Variants in RASEF observed in about 807,000 individuals in gnomAD.
RASEF encodes the protein ras and EF-hand domain-containing protein.
Under a neutral mutation model 90.1 loss-of-function variants are expected in RASEF, and 68 were observed. That is an observed-to-expected ratio of 0.75 (90% CI 0.62 to 0.92). RASEF has a LOEUF of 0.92. Ranked by LOEUF, RASEF falls within the 40% of genes least tolerant of loss-of-function variation. The pLI, the probability that RASEF is intolerant of heterozygous loss-of-function variation, is 0.00. For missense variants in RASEF, 949 were observed against 937.2 expected, an observed-to-expected ratio of 1.01 and a Z score of -0.16; for synonymous variants, 331 against 345.2, an observed-to-expected ratio of 0.96 and a Z score of 0.46.
the RASEF span, among the ~76,000 whole-genome samples, chr9:83,129,664 A>G: frequency 6.6e-6 from 1 of 152,136 alleles, no homozygotes; most frequent in African/African-American, 2.4e-5. Flanking sequence ...ATTTATGGAG[A>G]ACATAAGGGA....
chr9:83,157,551 C>G, the RASEF span, among the ~76,000 whole-genome samples: 1 of 152,150 alleles, frequency 6.6e-6, no homozygotes, highest in Non-Finnish European at 1.5e-5. Flanking sequence ...TTCCCAGCCT[C>G]TAGAACTGTG....
At chr9:83,145,391 G>A in the RASEF span, among the ~76,000 whole-genome samples, 9 of 151,976 alleles carry the variant, frequency 5.9e-5, no homozygotes, top group Admixed American at 1.3e-4. Context: ...AAGGAATATC[G>A]TATTTTAATA....
At position 83,062,912 on chromosome 9, in the gene RASEF, GCGCAGGGCC is replaced by G; in HGVS notation, c.-54_-46del. On this transcript the variant is annotated 5_prime_UTR_variant, in exon 1 of 17. Transcript: ENST00000376447. ...CGAGAGGGCTCCGGAGCGCCGCGGG[GCGCAGGGCC>G]CTCCCTGGAAGGACGGGGCCACCTG... is the stretch of plus-strand genomic sequence containing the variant. 1 of 1,390,294 alleles carries G rather than the reference GCGCAGGGCC, an allele frequency of 7.2e-7. No homozygotes were observed. Among genetic ancestry groups the G allele is most frequent in the Non-Finnish European group, 9.2e-7 (1 of 1,083,912 alleles). The allele number at this position is 1,390,294 out of a possible 1,614,324, so 86.1% of individuals were successfully genotyped here.
Position 82,980,584 on chromosome 9 carries a change from C to G in RASEF, c.*2093G>C, listed in dbSNP as rs2086027845. ...ATTGTAAAACAAATATAAAGAGACA[C>G]TTTGGAGAGAATAAATAAAGGCAAC... On this transcript the variant is annotated 3_prime_UTR_variant, in exon 17 of 17. Transcript: ENST00000376447. 6.6e-6 allele frequency: 1 copy of G among 152,248 alleles called. No homozygotes were observed. The highest frequency in any genetic ancestry group is 6.5e-5 in the Admixed American group (1 of 15,292). The allele number at this position is 152,248 out of a possible 1,614,324, so 9.4% of individuals were successfully genotyped here. A position where few individuals can be genotyped will look rare whatever the true frequency, so the allele number is the denominator to read the frequency against.
the RASEF span, among the ~76,000 whole-genome samples, chr9:83,208,141 G>A: frequency 1.3e-3 from 194 of 152,230 alleles, 2 homozygotes; most frequent in Non-Finnish European, 1.6e-3. Flanking sequence ...CTCTGGATGG[G>A]GTCGTCACCT....
At position 83,049,528 on chromosome 9, in the gene RASEF, CCTTTT is replaced by C. The variant is rs1386330266; in HGVS notation, c.431+12904_431+12908del. Among the ~76,000 whole-genome samples, 616 of 73,516 alleles carry C rather than the reference CCTTTT, an allele frequency of 8.4e-3. 1 individual carries two copies. Among genetic ancestry groups the C allele is most frequent in the Non-Finnish European group, 0.013 (478 of 37,434 alleles). 48.2% of individuals were successfully genotyped at this position (73,516 alleles called of 152,430 possible). A position where few individuals can be genotyped will look rare whatever the true frequency, so the allele number is the denominator to read the frequency against. On this transcript the variant is annotated intron_variant, in intron 1 of 16. Transcript: ENST00000376447. ...AATGCACAGCCCACCTTTCTGCCTTCCTTTTTTTTTTTTTTTTTTTTTTTATTATA... is the reference window on the plus strand; with the variant it reads ...AATGCACAGCCCACCTTTCTGCCTTCTTTTTTTTTTTTTTTTTTTATTATA...
At chr9:83,207,466 G>C in the RASEF span, among the ~76,000 whole-genome samples, 3 of 152,142 alleles carry the variant, frequency 2.0e-5, no homozygotes, top group Non-Finnish European at 4.4e-5. Flanking sequence ...ACCAGAGCCT[G>C]AATGTATGTG....
At chr9:83,167,809 A>G in the RASEF span, among the ~76,000 whole-genome samples, 2 of 152,256 alleles carry the variant, frequency 1.3e-5, no homozygotes, top group South Asian at 2.1e-4. Context: ...TGACAGCATA[A>G]TGTTTTCAAG....
chr9:83,005,386 T>A, intron 8 of RASEF, 30 bp downstream of exon 8: 1 of 1,495,906 alleles, frequency 6.7e-7, no homozygotes, highest in Non-Finnish European at 9.3e-7. Context: ...CTAGAAAGAA[T>A]GAAATACATG....
the RASEF span, among the ~76,000 whole-genome samples, chr9:83,070,647 C>A: frequency 6.6e-6 from 1 of 152,096 alleles, no homozygotes; most frequent in Non-Finnish European, 1.5e-5. Context: ...ATTTTAAGAT[C>A]AGTTTGTCAA....
chr9:83,144,391 G>GAAAGGAAAGGAAAGAAAGAAAGAAA, the RASEF span, among the ~76,000 whole-genome samples: 1 of 33,242 alleles, frequency 3.0e-5, no homozygotes, highest in East Asian at 9.9e-4. Flanking sequence ...AAGAAAGAAA[G>GAAAGGAAAGGAAAGAAAGAAAGAAA]GAAAGAAAGA....
At chr9:83,165,940 A>G in the RASEF span, among the ~76,000 whole-genome samples, 2 of 152,154 alleles carry the variant, frequency 1.3e-5, no homozygotes, top group African/African-American at 4.8e-5. Context: ...GAAAGACACA[A>G]TCTGTCAAAA....
At chr9:83,034,544 A>C (rs1829704834) in intron 1 of RASEF, among the ~76,000 whole-genome samples, 1 of 152,236 alleles carries the variant, frequency 6.6e-6, no homozygotes, top group Non-Finnish European at 1.5e-5. Context: ...AACTAGATCC[A>C]TTCAATGTCT....
At chr9:83,152,595 G>A in the RASEF span, among the ~76,000 whole-genome samples, 1 of 152,102 alleles carries the variant, frequency 6.6e-6, no homozygotes, top group Admixed American at 6.6e-5. Flanking sequence ...GTTGTATGGG[G>A]GTTTTCCAGG....
the RASEF span, among the ~76,000 whole-genome samples, chr9:83,212,825 AG>A: frequency 6.6e-6 from 1 of 152,228 alleles, no homozygotes; most frequent in Non-Finnish European, 1.5e-5. Context: ...GGAGAGGCAA[AG>A]GGAATGGTTC....
chr9:83,085,683 T>C, the RASEF span, among the ~76,000 whole-genome samples: 5 of 152,022 alleles, frequency 3.3e-5, no homozygotes, highest in East Asian at 7.7e-4. Context: ...CCCAGCACTT[T>C]GGGAGGCCGA....
At chr9:83,020,683 C>A (rs374143001) in intron 3 of RASEF, among the ~76,000 whole-genome samples, 58 of 152,238 alleles carry the variant, frequency 3.8e-4, no homozygotes, top group South Asian at 1.9e-3. Flanking sequence ...TAAAGAAGAT[C>A]CTGTAATTAA....
rs539850066 is a variant in RASEF, at chr9:83,055,399, C to T, written c.431+7038G>A. 4.5e-5 allele frequency: 23 copies of T among 514,476 alleles called. 1 individual carries two copies. The highest frequency in any genetic ancestry group is 1.6e-4 in the African/African-American group (8 of 49,810). The allele number at this position is 514,476 out of a possible 1,614,324, so 31.9% of individuals were successfully genotyped here. The stretch of plus-strand genomic sequence containing the variant: ...GGTGAGGCAATGCCTCGCCCTGCTT[C>T]GGCTCGCGCACGGTGCGCGCACACA... On this transcript the variant is annotated intron_variant, in intron 1 of 16. Coordinates refer to ENST00000376447, the MANE Select transcript of RASEF (RefSeq NM_152573.4).
chr9:83,194,395 T>C, the RASEF span, among the ~76,000 whole-genome samples: 1 of 152,170 alleles, frequency 6.6e-6, no homozygotes, highest in South Asian at 2.1e-4. Flanking sequence ...TAGGGTCAGG[T>C]GTGGGAGGGA....
Sources: gnomAD v4.1 joint callset for allele counts (sites outside exome capture counted in the v4.1 genomes callset) on GRCh38, gnomAD v4.1.1 for gene constraint, MANE v1.5 for transcripts, NCBI Gene and HGNC (gene_info 2026-07-23, HGNC 2026-07-21) for gene names.